RANBP2: variants seen among roughly 807,000 people sequenced by gnomAD.
RANBP2 encodes E3 SUMO-protein ligase RanBP2.
A neutral mutation model predicts 303.6 loss-of-function variants in RANBP2; 57 were observed. That is an observed-to-expected ratio of 0.19 (90% CI 0.15 to 0.23). The LOEUF (loss-of-function observed/expected upper bound fraction) is 0.23. Ranked by LOEUF, RANBP2 falls within the 10% of genes least tolerant of loss-of-function variation. The pLI is 1.00. For missense variants in RANBP2, 3,138 were observed against 3,780.8 expected (o/e 0.83, Z 4.46); for synonymous variants, 1,167 against 1,301.5 (o/e 0.90, Z 2.23).
At position 108,758,349 on chromosome 2, in the gene RANBP2, G is replaced by C; in HGVS notation, c.2467-64G>C. On this transcript the variant is annotated intron_variant, in intron 17 of 28. Transcript: ENST00000283195. ...AAATTTAAAAGAGTAAGTTTCCCCA[G>C]CACTGTTTCTGTCATGATATAATTA... 1.9e-6 allele frequency: 3 copies of C among 1,602,450 alleles called. No individual in the cohort carries two copies. In the South Asian group the frequency reaches 3.3e-5, roughly 18 times the overall value.
chr2:109,520,970 T>C, the RANBP2 span, among the ~76,000 whole-genome samples: 54,784 of 149,966 alleles, frequency 0.37, 11,529 homozygotes, highest in Middle Eastern at 0.56. Context: ...TGGCTCACGC[T>C]TGTAATCCTA....
chr2:109,059,664 T>C, the RANBP2 span, among the ~76,000 whole-genome samples: 16 of 151,816 alleles, frequency 1.1e-4, no homozygotes, highest in African/African-American at 2.9e-4. Flanking sequence ...CTGCCTCTCC[T>C]CTGGCACTGT....
chr2:108,762,160 C>A lies in RANBP2; in HGVS notation c.2662C>A (p.Leu888Ile). 1 of 1,593,998 alleles carries A rather than the reference C, an allele frequency of 6.3e-7. No individual in the cohort carries two copies. Among genetic ancestry groups the A allele is most frequent in the Non-Finnish European group, 8.5e-7 (1 of 1,178,626 alleles). ...SQSPAYNSQYLLRPAANVTPT... is the reference protein window; with the variant it reads ...SQSPAYNSQYILRPAANVTPT... The stretch of plus-strand genomic sequence containing the variant: ...GTCACCAGCATATAATTCCCAGTAT[C>A]TTCTCAGACCAGCAGCTAATGTTAC... Residue 888 changes from leucine to isoleucine, a missense_variant, in exon 19 of 29, where the codon CTT becomes ATT. Coordinates refer to ENST00000283195, the MANE Select transcript of RANBP2 (RefSeq NM_006267.5).
At chr2:109,075,025 C>CAAA in the RANBP2 span, among the ~76,000 whole-genome samples, 47 of 44,656 alleles carry the variant, frequency 1.1e-3, no homozygotes, top group African/African-American at 2.8e-3. Context: ...GTCTCCATCT[C>CAAA]AAAAAAAAAA....
the RANBP2 span, among the ~76,000 whole-genome samples, chr2:108,881,158 T>C: frequency 1.3e-5 from 2 of 152,240 alleles, no homozygotes; most frequent in Admixed American, 1.3e-4. Context: ...TTGTGTAGTG[T>C]AGCCACTTCA....
At chr2:109,553,246 T>G in the RANBP2 span, 1 of 1,611,186 alleles carries the variant, frequency 6.2e-7, no homozygotes, top group East Asian at 2.2e-5. Context: ...GTTACTCTCC[T>G]GCTAAAAAGT....
At chr2:109,704,512 A>G in the RANBP2 span, among the ~76,000 whole-genome samples, 1 of 152,038 alleles carries the variant, frequency 6.6e-6, no homozygotes, top group East Asian at 1.9e-4. Flanking sequence ...AGCCTGGGCA[A>G]CAGAGAGAGA....
the RANBP2 span, among the ~76,000 whole-genome samples, chr2:109,318,055 T>C: frequency 6.7e-6 from 1 of 149,156 alleles, no homozygotes; most frequent in Non-Finnish European, 1.5e-5. Context: ...TGATCCTTTC[T>C]CTCCTCTGTT....
At chr2:109,484,063 CTTTCTTT>C in the RANBP2 span, among the ~76,000 whole-genome samples, 12 of 139,482 alleles carry the variant, frequency 8.6e-5, no homozygotes, top group Admixed American at 1.4e-4. Flanking sequence ...ATCCTCTGGC[CTTTCTTT>C]TTTTTTTTTT....
At chr2:109,214,476 A>G in the RANBP2 span, among the ~76,000 whole-genome samples, 2 of 151,846 alleles carry the variant, frequency 1.3e-5, no homozygotes, top group African/African-American at 4.8e-5. Flanking sequence ...GAAAAGAGAA[A>G]AAAAAAAAAA....
the RANBP2 span, among the ~76,000 whole-genome samples, chr2:108,971,074 G>A: frequency 7.2e-5 from 11 of 152,092 alleles, no homozygotes; most frequent in Non-Finnish European, 2.9e-5. Context: ...CGGCGAGACC[G>A]TGCTCACTGG....
chr2:109,694,506 C>T, the RANBP2 span, among the ~76,000 whole-genome samples: 1 of 150,990 alleles, frequency 6.6e-6, no homozygotes, highest in South Asian at 2.1e-4. Context: ...CAGGTTCAAG[C>T]GATTCTCCTG....
At chr2:108,824,159 T>C in the RANBP2 span, among the ~76,000 whole-genome samples, 3 of 56,844 alleles carry the variant, frequency 5.3e-5, no homozygotes, top group Admixed American at 2.3e-4. Flanking sequence ...ACACTAAATT[T>C]AGAAAAAAAA....
the RANBP2 span, among the ~76,000 whole-genome samples, chr2:109,044,559 TA>T: frequency 1.3e-5 from 2 of 149,688 alleles, no homozygotes; most frequent in Non-Finnish European, 3.0e-5. Context: ...AATAATGAGA[TA>T]AACACCAATT....
the RANBP2 span, among the ~76,000 whole-genome samples, chr2:108,837,135 G>A: frequency 2.6e-5 from 4 of 152,080 alleles, no homozygotes; most frequent in African/African-American, 9.7e-5. Context: ...TGGAGGAAAG[G>A]CTTTCATTCT....
chr2:109,120,692 C>G, the RANBP2 span, among the ~76,000 whole-genome samples: 2 of 123,106 alleles, frequency 1.6e-5, no homozygotes, highest in African/African-American at 3.1e-5. Flanking sequence ...AAAAAAAAAG[C>G]AGCCTCTAGG....
At chr2:109,289,356 AT>A in the RANBP2 span, among the ~76,000 whole-genome samples, 1 of 152,166 alleles carries the variant, frequency 6.6e-6, no homozygotes, top group Non-Finnish European at 1.5e-5. Flanking sequence ...AGAAACAACC[AT>A]TTCAGACAGT....
chr2:109,397,477 A>G, the RANBP2 span, among the ~76,000 whole-genome samples: 22 of 152,112 alleles, frequency 1.4e-4, no homozygotes, highest in African/African-American at 4.6e-4. Context: ...TATTCTTTCA[A>G]ATCACTGTGA....
At chr2:109,051,164 T>C in the RANBP2 span, among the ~76,000 whole-genome samples, 1 of 152,240 alleles carries the variant, frequency 6.6e-6, no homozygotes, top group African/African-American at 2.4e-5. Flanking sequence ...GGATTCAAAA[T>C]AGAACATCTT....
Sources: allele counts gnomAD v4.1 joint callset (sites outside exome capture counted in the v4.1 genomes callset), GRCh38; gene constraint gnomAD v4.1.1; transcripts MANE v1.5; gene names NCBI Gene and HGNC (gene_info 2026-07-23, HGNC 2026-07-21).